SLC4A5: variants seen among roughly 807,000 people sequenced by gnomAD.
The protein encoded by SLC4A5 is solute carrier family 4 member 5.
In SLC4A5, 96 loss-of-function variants were observed where a neutral mutation model predicts 120.4. That is an observed-to-expected ratio of 0.80 (90% CI 0.68 to 0.94). The LOEUF (loss-of-function observed/expected upper bound fraction) is 0.94. Ranked by LOEUF, SLC4A5 falls within the 40% of genes least tolerant of loss-of-function variation. The probability of loss-of-function intolerance (pLI) is 0.00; values close to 1 mark genes in which losing one functional copy is unlikely to be tolerated. For synonymous variants in SLC4A5, 550 were observed against 571.1 expected, an observed-to-expected ratio of 0.96 and a Z score of 0.53; for missense variants, 1,259 against 1,459.5, an observed-to-expected ratio of 0.86 and a Z score of 2.24.
intron 6 of SLC4A5, among the ~76,000 whole-genome samples, chr2:74,308,176 C>T (rs1261622366): frequency 1.3e-5 from 2 of 152,246 alleles, no homozygotes; most frequent in African/African-American, 4.8e-5. Flanking sequence ...ATGAATAGTG[C>T]AGCTCTAAAC....
At chr2:74,261,129 G>A (rs1671121254) in intron 11 of SLC4A5, among the ~76,000 whole-genome samples, 1 of 152,140 alleles carries the variant, frequency 6.6e-6, no homozygotes. Context: ...CATGGCGGGT[G>A]CCCACCTTGA....
At chr2:74,295,035 C>T (rs961099623) in intron 7 of SLC4A5, among the ~76,000 whole-genome samples, 1 of 152,048 alleles carries the variant, frequency 6.6e-6, no homozygotes, top group African/African-American at 2.4e-5. Flanking sequence ...TTTAGTTCAA[C>T]ACATTATGAG....
chr2:74,245,562 C>T (rs1342528201), intron 19 of SLC4A5, among the ~76,000 whole-genome samples: 1 of 152,038 alleles, frequency 6.6e-6, no homozygotes, highest in Non-Finnish European at 1.5e-5. Flanking sequence ...AAGCAACATG[C>T]CTTGGCTCAG....
At chr2:74,220,607 C>T (rs888036451) in intron 30 of SLC4A5, among the ~76,000 whole-genome samples, 3 of 151,400 alleles carry the variant, frequency 2.0e-5, no homozygotes, top group Non-Finnish European at 4.4e-5. Context: ...AGCTCCGCCT[C>T]CCAGGTTCAC....
At chr2:74,319,271 A>G (rs1304284306) in intron 5 of SLC4A5, 1 of 152,194 alleles carries the variant, frequency 6.6e-6, no homozygotes, top group Non-Finnish European at 1.5e-5. Context: ...ACTGTTCACT[A>G]TTCGGGTGAT....
intron 14 of SLC4A5, 143 bp downstream of exon 14, chr2:74,254,476 C>T: frequency 1.5e-6 from 1 of 689,376 alleles, no homozygotes. Flanking sequence ...TTCCCTGATT[C>T]TCATAATCTT....
intron 6 of SLC4A5, among the ~76,000 whole-genome samples, chr2:74,310,482 C>G (rs966890525): frequency 5.3e-5 from 8 of 151,984 alleles, no homozygotes; most frequent in African/African-American, 1.7e-4. Flanking sequence ...TCCCTCTATT[C>G]CTAGTTTACT....
intron 8 of SLC4A5, among the ~76,000 whole-genome samples, chr2:74,271,412 G>A (rs1671471271): frequency 6.6e-6 from 1 of 152,166 alleles, no homozygotes; most frequent in Non-Finnish European, 1.5e-5. Flanking sequence ...TCCTAGACCA[G>A]TTGACATCAG....
intron 8 of SLC4A5, 146 bp from the exon 9 acceptor site, chr2:74,265,410 T>C (rs1671272982): frequency 3.3e-6 from 3 of 922,686 alleles, no homozygotes; most frequent in South Asian, 1.8e-5. Flanking sequence ...AGAGGATCTC[T>C]TGGGGATCCC....
At chr2:74,257,739 G>A (rs866396271) in intron 12 of SLC4A5, among the ~76,000 whole-genome samples, 5 of 151,928 alleles carry the variant, frequency 3.3e-5, no homozygotes, top group Non-Finnish European at 2.9e-5. Context: ...CACCACGCCC[G>A]GCTAATTTTT....
chr2:74,300,195 A>G (rs1012351707), intron 7 of SLC4A5, among the ~76,000 whole-genome samples: 1 of 152,244 alleles, frequency 6.6e-6, no homozygotes, highest in East Asian at 1.9e-4. Context: ...AACAGTGTTT[A>G]CCAGGGGTCG....
chr2:74,332,000 G>A (rs956551655), intron 4 of SLC4A5, among the ~76,000 whole-genome samples: 1 of 152,236 alleles, frequency 6.6e-6, no homozygotes, highest in African/African-American at 2.4e-5. Context: ...TGTGGGATAG[G>A]GGAGTCTTCC....
intron 8 of SLC4A5, among the ~76,000 whole-genome samples, chr2:74,274,699 A>G (rs2104101699): frequency 6.6e-6 from 1 of 152,364 alleles, no homozygotes; most frequent in East Asian, 1.9e-4. Flanking sequence ...TCTAATGCTA[A>G]CCAAGATCAC....
At chr2:74,287,113 C>T (rs1672009657) in intron 7 of SLC4A5, among the ~76,000 whole-genome samples, 2 of 152,208 alleles carry the variant, frequency 1.3e-5, no homozygotes, top group African/African-American at 4.8e-5. Flanking sequence ...CTCATCAGGT[C>T]TTCCCTTCCT....
chr2:74,250,330 G>C lies in SLC4A5; in HGVS notation c.1653+13C>G, dbSNP rs186859008. 1 of 1,613,056 alleles carries C rather than the reference G, an allele frequency of 6.2e-7. No individual in the cohort carries two copies. The highest frequency in any genetic ancestry group is 1.1e-5 in the South Asian group (1 of 90,988). On this transcript the variant is annotated intron_variant, in intron 17 of 30. Coordinates refer to ENST00000394019, the Ensembl canonical transcript of SLC4A5. The stretch of plus-strand genomic sequence containing the variant: ...ATCTTACTTTTACACTCAGGGCACC[G>C]GCTCGCACACACCTGATAATTGTCG...
intron 28 of SLC4A5, among the ~76,000 whole-genome samples, chr2:74,224,019 C>T (rs1395214053): frequency 6.6e-6 from 1 of 152,208 alleles, no homozygotes; most frequent in Non-Finnish European, 1.5e-5. Flanking sequence ...GCACAGGCAG[C>T]TTAGCATATC....
chr2:74,292,369 C>T (rs1047548554), intron 7 of SLC4A5, among the ~76,000 whole-genome samples: 2 of 152,316 alleles, frequency 1.3e-5, no homozygotes, highest in African/African-American at 4.8e-5. Flanking sequence ...CAGGCCCCTA[C>T]GCTGTCTCTG....
chr2:74,225,126 C>G, intron 27 of SLC4A5, 131 bp from the exon 28 acceptor site: 3 of 810,406 alleles, frequency 3.7e-6, no homozygotes, highest in Non-Finnish European at 5.7e-6. Flanking sequence ...GTCTTTGGAG[C>G]CGTCTCGAAG....
intron 19 of SLC4A5, among the ~76,000 whole-genome samples, chr2:74,243,343 G>A (rs1226116986): frequency 6.6e-6 from 1 of 152,216 alleles, no homozygotes; most frequent in Non-Finnish European, 1.5e-5. Flanking sequence ...TTGGAGGCCT[G>A]CTGCCCTCTC....
Sources: gnomAD v4.1 joint callset for allele counts (sites outside exome capture counted in the v4.1 genomes callset) on GRCh38, gnomAD v4.1.1 for gene constraint, MANE v1.5 for transcripts, NCBI Gene and HGNC (gene_info 2026-07-23, HGNC 2026-07-21) for gene names.